Variants in LRP2BP observed in about 807,000 individuals in gnomAD.
The protein encoded by LRP2BP is LRP2 binding protein.
A neutral mutation model predicts 45.2 loss-of-function variants in LRP2BP; 38 were observed. The ratio of observed to expected loss-of-function variants is 0.84; its 90% CI spans 0.65 to 1.10. The LOEUF (loss-of-function observed/expected upper bound fraction) is 1.10, where lower values mean the gene tolerates loss of function less well. Among genes scored for constraint, LRP2BP ranks in the 50% least tolerant of loss-of-function variants. The probability of loss-of-function intolerance (pLI) is 0.00; values close to 1 mark genes in which losing one functional copy is unlikely to be tolerated. For synonymous variants in LRP2BP, 153 were observed against 153.9 expected, an observed-to-expected ratio of 0.99 and a Z score of 0.04; for missense variants, 385 against 418.9, an observed-to-expected ratio of 0.92 and a Z score of 0.71.
chr4:185,369,227 CTTTTTTTTTTTTT>C (rs35543353), intron 8 of LRP2BP, among the ~76,000 whole-genome samples: 1 of 100,930 alleles, frequency 9.9e-6, no homozygotes. Context: ...ATACAGAGAG[CTTTTTTTTTTTTT>C]TTTTTTTTGA....
Position 185,376,999 on chromosome 4 carries a change from CA to C in LRP2BP, c.125del (p.Leu42TrpfsTer9). The C allele has an allele frequency of 6.2e-7, 1 of 1,612,462 alleles. No individual in the cohort carries two copies. Among genetic ancestry groups the C allele is most frequent in the Non-Finnish European group, 8.5e-7 (1 of 1,178,530 alleles). ...KEKTDYTHAN[L>X]VDKALQLLKE... Reference sequence around the variant, plus strand: ...TCAAGAGCTGCAATGCCTTATCCACCAAATTAGCATGGGTGTAATCTGATTT... The same window carrying C: ...TCAAGAGCTGCAATGCCTTATCCACCAATTAGCATGGGTGTAATCTGATTT... On this transcript the variant is annotated frameshift_variant, in exon 3 of 9. Coordinates refer to ENST00000505916, the MANE Select transcript of LRP2BP (RefSeq NM_001377440.1). LOFTEE classifies it high-confidence loss of function.
chr4:185,371,134 G>A lies in LRP2BP; in HGVS notation c.804-320C>T, dbSNP rs562339288. 1.3e-4 allele frequency: 29 copies of A among 223,518 alleles called. 1 individual carries two copies. The South Asian group carries it at 1.8e-3, about 14-fold the overall frequency. The allele number at this position is 223,518 out of a possible 1,614,324, so 13.8% of individuals were successfully genotyped here. A position where few individuals can be genotyped will look rare whatever the true frequency, so the allele number is the denominator to read the frequency against. ...GTCACTTTGTGGATTTAAACTGAAC[G>A]GAGAAGAAAGCATTTTCTATTTCTT... is the stretch of plus-strand genomic sequence containing the variant. On this transcript the variant is annotated intron_variant, in intron 7 of 8. Coordinates refer to ENST00000505916, the MANE Select transcript of LRP2BP (RefSeq NM_001377440.1).
Position 185,364,582 on chromosome 4 carries a change from G to T in LRP2BP, c.*2598C>A, listed in dbSNP as rs2095380077. 6.6e-6 allele frequency: 1 copy of T among 152,046 alleles called. No homozygotes were observed. Among genetic ancestry groups the T allele is most frequent in the South Asian group, 2.1e-4 (1 of 4,826 alleles). 9.4% of individuals were successfully genotyped at this position (152,046 alleles called of 1,614,324 possible). On this transcript the variant is annotated 3_prime_UTR_variant, in exon 9 of 9. Transcript: ENST00000505916. ...TACATATCATACCTGCTAACTTCTT[G>T]ATAAGAAACAAGTTCTGAAAGATAA...
At chr4:185,391,003 C>T (rs1238594074) in intron 1 of LRP2BP, 1 of 152,166 alleles carries the variant, frequency 6.6e-6, no homozygotes, top group Non-Finnish European at 1.5e-5. Flanking sequence ...TTTTGCTGTG[C>T]CAGGATCCCA....
At chr4:185,371,411 G>A (rs531652953) in intron 7 of LRP2BP, among the ~76,000 whole-genome samples, 7 of 152,036 alleles carry the variant, frequency 4.6e-5, no homozygotes, top group South Asian at 2.1e-4. Flanking sequence ...GCATGGTAGC[G>A]GGTGCCTGTA....
At chr4:185,386,325 A>G (rs893070078) in intron 1 of LRP2BP, among the ~76,000 whole-genome samples, 1 of 152,268 alleles carries the variant, frequency 6.6e-6, no homozygotes, top group Non-Finnish European at 1.5e-5. Flanking sequence ...CATATCTTTC[A>G]TAGCCAGTGA....
At chr4:185,385,278 C>G (rs1033328282) in intron 1 of LRP2BP, among the ~76,000 whole-genome samples, 2 of 151,956 alleles carry the variant, frequency 1.3e-5, no homozygotes, top group Non-Finnish European at 2.9e-5. Flanking sequence ...GGAGCCGATA[C>G]TGTTACAGTT....
intron 7 of LRP2BP, chr4:185,371,018 GT>G (rs2095412990): frequency 7.8e-6 from 4 of 511,016 alleles, no homozygotes; most frequent in African/African-American, 7.6e-5. Flanking sequence ...GACTTCACAT[GT>G]CTCTGTAATT....
chr4:185,378,690 T>C (rs1013487387), intron 1 of LRP2BP: 3 of 986,732 alleles, frequency 3.0e-6, no homozygotes, highest in Non-Finnish European at 3.6e-6. Flanking sequence ...TATCTTCCTG[T>C]CTGTATTGGA....
Position 185,364,386 on chromosome 4 carries a change from G to A in LRP2BP, c.*2794C>T, listed in dbSNP as rs1430886917. On this transcript the variant is annotated 3_prime_UTR_variant, in exon 9 of 9. Transcript: ENST00000505916. ...CATGCACAAGTACTTAATTTTCCTG[G>A]GTTTCACCATCTATTATGCAGTAAT... 6.6e-6 allele frequency: 1 copy of A among 152,014 alleles called. No homozygotes were observed. The highest frequency in any genetic ancestry group is 1.5e-5 in the Non-Finnish European group (1 of 68,010). The allele number at this position is 152,014 out of a possible 1,614,324, so 9.4% of individuals were successfully genotyped here.
intron 1 of LRP2BP, among the ~76,000 whole-genome samples, chr4:185,382,332 G>A (rs951540289): frequency 4.4e-4 from 67 of 152,174 alleles, no homozygotes; most frequent in African/African-American, 1.5e-3. Flanking sequence ...AAACGTCTGC[G>A]TACTAGTTTT....
intron 8 of LRP2BP, chr4:185,369,906 C>T (rs749579909): frequency 6.4e-6 from 2 of 314,068 alleles, no homozygotes; most frequent in Non-Finnish European, 1.2e-5. Context: ...AGCCAAGGGA[C>T]TCAGAAGACT....
At chr4:185,378,347 A>G (rs1423535732) in intron 1 of LRP2BP, 140 bp from the exon 2 acceptor site, 1 of 1,435,378 alleles carries the variant, frequency 7.0e-7, no homozygotes, top group Admixed American at 2.9e-5. Context: ...CACCAACTCC[A>G]GGACGTGAAC....
intron 1 of LRP2BP, among the ~76,000 whole-genome samples, chr4:185,389,903 G>A (rs1411964030): frequency 2.0e-5 from 3 of 152,058 alleles, no homozygotes; most frequent in Non-Finnish European, 4.4e-5. Context: ...CCCAAAACGT[G>A]TAAAAAAAAG....
intron 8 of LRP2BP, among the ~76,000 whole-genome samples, chr4:185,368,387 C>T (rs2095399575): frequency 6.6e-6 from 1 of 152,150 alleles, no homozygotes; most frequent in South Asian, 2.1e-4. Flanking sequence ...ACTGCCTCAC[C>T]TTCTGCCATA....
At chr4:185,396,809 G>A (rs1457627319), upstream of LRP2BP, 1 of 1,161,928 alleles carries the variant, frequency 8.6e-7, no homozygotes, top group Admixed American at 1.7e-5. Flanking sequence ...AGTCCCAGCG[G>A]TCTTTAAATT....
At chr4:185,378,458 C>A in intron 1 of LRP2BP, 1 of 1,238,128 alleles carries the variant, frequency 8.1e-7, no homozygotes, top group Non-Finnish European at 1.0e-6. Flanking sequence ...CCTGTTTGCA[C>A]GTCCTGTCTG....
intron 1 of LRP2BP, among the ~76,000 whole-genome samples, chr4:185,387,774 C>G (rs2095475920): frequency 6.6e-6 from 1 of 152,222 alleles, no homozygotes; most frequent in Non-Finnish European, 1.5e-5. Context: ...ATAACGGGTT[C>G]TTGCAGAGGT....
rs1322196824 is a variant in LRP2BP at position 185,394,816 on chromosome 4, G to A, written c.-59C>T. ...GTTTTTTTTAACACTCGCTGTAAAT[G>A]GCATCCTCGTTCTGGAAACGCATCT... On this transcript the variant is annotated 5_prime_UTR_variant, in exon 1 of 9. Transcript: ENST00000505916. 1.0e-6 allele frequency: 1 copy of A among 985,128 alleles called. No individual in the cohort carries two copies. The highest frequency in any genetic ancestry group is 1.2e-6 in the Non-Finnish European group (1 of 829,916). 61.0% of individuals were successfully genotyped at this position (985,128 alleles called of 1,614,324 possible). A position where few individuals can be genotyped will look rare whatever the true frequency, so the allele number is the denominator to read the frequency against.
Sources: allele counts gnomAD v4.1 joint callset (sites outside exome capture counted in the v4.1 genomes callset), GRCh38; gene constraint gnomAD v4.1.1; transcripts MANE v1.5; gene names NCBI Gene and HGNC (gene_info 2026-07-23, HGNC 2026-07-21).